Variants in GSAP observed in about 807,000 individuals in gnomAD.
GSAP encodes the protein gamma-secretase activating protein.
Under a neutral mutation model 131.7 loss-of-function variants are expected in GSAP, and 118 were observed. The observed-to-expected ratio is 0.90, with a 90% CI of 0.77 to 1.04. The LOEUF (loss-of-function observed/expected upper bound fraction) is 1.04. Among genes scored for constraint, GSAP ranks in the 50% least tolerant of loss-of-function variants. The pLI is 0.00. For synonymous variants in GSAP, 381 were observed against 363.4 expected (o/e 1.05, Z -0.55); for missense variants, 1,019 against 1,013.2 (o/e 1.01, Z -0.08).
chr7:77,378,247 C>T (rs867333899), intron 8 of GSAP, among the ~76,000 whole-genome samples: 2 of 151,788 alleles, frequency 1.3e-5, no homozygotes, highest in Non-Finnish European at 2.9e-5. Flanking sequence ...TTTGGGAGGC[C>T]GAGGTAGGTG....
At position 77,334,579 on chromosome 7, in the gene GSAP, TTAA is replaced by T. The variant is rs1363590255; in HGVS notation, c.1546-4215_1546-4213del. ...GCCCATGTATCCTGGAACTTAAAAT[TTAA>T]AAAAAAAAAAAAAAAAAAAAAAAAG... On this transcript the variant is annotated intron_variant, in intron 19 of 30. Coordinates refer to ENST00000257626, the MANE Select transcript of GSAP (RefSeq NM_017439.4). Among the ~76,000 whole-genome samples the T allele has an allele frequency of 6.7e-4, 55 of 82,400 alleles. 3 individuals are homozygous for T. The highest frequency in any genetic ancestry group is 9.3e-4 in the African/African-American group (19 of 20,412). 54.1% of individuals were successfully genotyped at this position (82,400 alleles called of 152,430 possible). A position where few individuals can be genotyped will look rare whatever the true frequency, so the allele number is the denominator to read the frequency against.
intron 3 of GSAP, among the ~76,000 whole-genome samples, chr7:77,403,209 T>A (rs1451483546): frequency 2.6e-5 from 4 of 152,168 alleles, no homozygotes; most frequent in Admixed American, 2.6e-4. Context: ...GAGATTTTAT[T>A]CTCTTTCCCT....
In GSAP at chr7:77,382,504, A is replaced by G. The variant is rs925682317; in HGVS notation, c.526+70T>C. ...GGCAGGTGGATATCTAGAAGATTCA[A>G]TCATGTACCACACTAGGAGACGATA... On this transcript the variant is annotated intron_variant, in intron 7 of 30. Coordinates refer to ENST00000257626, the MANE Select transcript of GSAP (RefSeq NM_017439.4). The G allele has an allele frequency of 3.5e-5, 29 of 819,302 alleles. 1 individual carries two copies. Among genetic ancestry groups the G allele is most frequent in the Non-Finnish European group, 5.8e-5 (27 of 465,356 alleles). The allele number at this position is 819,302 out of a possible 1,614,324, so 50.8% of individuals were successfully genotyped here. A position where few individuals can be genotyped will look rare whatever the true frequency, so the allele number is the denominator to read the frequency against.
intron 23 of GSAP, among the ~76,000 whole-genome samples, chr7:77,325,096 G>A (rs965981074): frequency 1.3e-5 from 2 of 152,090 alleles, no homozygotes; most frequent in African/African-American, 2.4e-5. Flanking sequence ...GATAACAGGT[G>A]TGAGCAACAG....
At chr7:77,407,188 T>C (rs762117865) in intron 1 of GSAP, among the ~76,000 whole-genome samples, 10 of 152,246 alleles carry the variant, frequency 6.6e-5, no homozygotes, top group Admixed American at 1.3e-4. Flanking sequence ...GTTTTTAATA[T>C]AGGAGCTGGA....
chr7:77,349,240 G>T, intron 19 of GSAP, 111 bp downstream of exon 19: 5 of 786,214 alleles, frequency 6.4e-6, no homozygotes, highest in Non-Finnish European at 8.9e-6. Flanking sequence ...CTACTGCCTT[G>T]CCCTCCCCTC....
chr7:77,349,115 G>A (rs150533674), intron 19 of GSAP, among the ~76,000 whole-genome samples: 8 of 152,296 alleles, frequency 5.3e-5, no homozygotes, highest in South Asian at 2.1e-4. Context: ...GTTGAGCACC[G>A]TAATTCTCTC....
intron 24 of GSAP, 45 bp from the exon 25 acceptor site, chr7:77,321,448 C>G (rs1209485735): frequency 8.0e-7 from 1 of 1,257,006 alleles, no homozygotes. Flanking sequence ...CATTCCTTCC[C>G]TCAAGGGCCC....
chr7:77,398,194 G>C (rs1800751476), intron 3 of GSAP, among the ~76,000 whole-genome samples: 1 of 152,166 alleles, frequency 6.6e-6, no homozygotes, highest in Admixed American at 6.5e-5. Flanking sequence ...AACCGACTAA[G>C]AGAAACAGTA....
chr7:77,312,011 G>C, intron 29 of GSAP, 71 bp from the exon 30 acceptor site: 1 of 1,189,678 alleles, frequency 8.4e-7, no homozygotes, highest in South Asian at 1.2e-5. Context: ...AAAGTGATAA[G>C]AACTGTAATT....
chr7:77,320,190 G>T (rs17232033), intron 26 of GSAP, among the ~76,000 whole-genome samples: 5 of 151,990 alleles, frequency 3.3e-5, no homozygotes, highest in African/African-American at 1.2e-4. Context: ...GCACGTTACC[G>T]GTCATGTCAT....
chr7:77,312,019 A>ATTGCTGTCCATACAGAT, intron 29 of GSAP, 79 bp from the exon 30 acceptor site: 1 of 1,167,550 alleles, frequency 8.6e-7, no homozygotes, highest in Non-Finnish European at 1.3e-6. Flanking sequence ...AAGAACTGTA[A>ATTGCTGTCCATACAGAT]TTGCTGTCCA....
At chr7:77,397,118 A>G (rs886737426) in intron 4 of GSAP, 83 bp from the exon 5 acceptor site, 1 of 884,734 alleles carries the variant, frequency 1.1e-6, no homozygotes, top group African/African-American at 1.7e-5. Flanking sequence ...CCTGAAATAG[A>G]TGAGGGCTCA....
At chr7:77,320,598 G>A in intron 26 of GSAP, 127 bp downstream of exon 26, 1 of 650,412 alleles carries the variant, frequency 1.5e-6, no homozygotes, top group Non-Finnish European at 2.7e-6. Flanking sequence ...ATCACTCACA[G>A]TAACACCAGA....
chr7:77,416,582 G>A, upstream of GSAP: 1 of 334,910 alleles, frequency 3.0e-6, no homozygotes, highest in Non-Finnish European at 5.4e-6. Flanking sequence ...CCAGGACCAG[G>A]CCCGCCGGGG....
chr7:77,391,125 CAAAAAAAAAAAAAA>C (rs3083869), intron 5 of GSAP, among the ~76,000 whole-genome samples: 6 of 65,094 alleles, frequency 9.2e-5, no homozygotes, highest in South Asian at 5.5e-4. Context: ...GGCTCCGTCT[CAAAAAAAAAAAAAA>C]AAAAAAAAGA....
intron 23 of GSAP, among the ~76,000 whole-genome samples, chr7:77,325,541 A>G (rs1420262972): frequency 6.6e-6 from 1 of 152,050 alleles, no homozygotes; most frequent in Non-Finnish European, 1.5e-5. Flanking sequence ...TCTTGAGAAA[A>G]AGTACTTTGT....
At chr7:77,404,381 G>C (rs931954611) in intron 3 of GSAP, among the ~76,000 whole-genome samples, 178 bp downstream of exon 3, 4 of 151,942 alleles carry the variant, frequency 2.6e-5, no homozygotes, top group Non-Finnish European at 5.9e-5. Flanking sequence ...TTAGTTCTTT[G>C]GACATACCAA....
rs57095326 is a variant in GSAP, at chr7:77,414,844, C to CTTTTTTTTTTT, written c.109+1358_109+1368dup. 4.2e-3 allele frequency among the ~76,000 whole-genome samples: 250 copies of CTTTTTTTTTTT among 59,868 alleles called. 45 individuals are homozygous for CTTTTTTTTTTT. Among genetic ancestry groups the CTTTTTTTTTTT allele is most frequent in the East Asian group, 8.3e-3 (12 of 1,454 alleles). 39.3% of individuals were successfully genotyped at this position (59,868 alleles called of 152,430 possible). ...AAAAACTTTTCAGACATGTGGGCGA[C>CTTTTTTTTTTT]TTTTTTTTTTTTTTTTTTTTTTTTT... On this transcript the variant is annotated intron_variant, in intron 1 of 30. Transcript: ENST00000257626.
Sources: allele counts gnomAD v4.1 joint callset (sites outside exome capture counted in the v4.1 genomes callset), GRCh38; gene constraint gnomAD v4.1.1; transcripts MANE v1.5; gene names NCBI Gene and HGNC (gene_info 2026-07-23, HGNC 2026-07-21).